TSPAN18: variants seen among roughly 807,000 people sequenced by gnomAD.
TSPAN18 encodes the protein tetraspanin 18.
Under a neutral mutation model 27.3 loss-of-function variants are expected in TSPAN18, and 14 were observed. That is an observed-to-expected ratio of 0.51 (90% CI 0.34 to 0.80). The LOEUF is 0.80. Ranked by LOEUF, TSPAN18 falls within the 30% of genes least tolerant of loss-of-function variation. The pLI, the probability that TSPAN18 is intolerant of heterozygous loss-of-function variation, is 0.01. For missense variants in TSPAN18, 268 were observed against 323.9 expected (o/e 0.83, Z 1.32); for synonymous variants, 143 against 136.5 (o/e 1.05, Z -0.33).
chr11:44,807,227 A>AAAAAAG (rs1856615193), intron 2 of TSPAN18, among the ~76,000 whole-genome samples: 1 of 26,266 alleles, frequency 3.8e-5, no homozygotes, highest in African/African-American at 6.6e-5. Flanking sequence ...AAAAAAAAAA[A>AAAAAAG]AAAAAAAAAG....
intron 8 of TSPAN18, 76 bp downstream of exon 8, chr11:44,920,075 T>C: frequency 2.8e-6 from 4 of 1,429,488 alleles, no homozygotes; most frequent in Non-Finnish European, 3.8e-6. Flanking sequence ...GGAGGCGCTA[T>C]CACCCCAGAG....
chr11:44,868,716 C>T (rs1249306661), intron 3 of TSPAN18, among the ~76,000 whole-genome samples: 1 of 152,190 alleles, frequency 6.6e-6, no homozygotes, highest in Non-Finnish European at 1.5e-5. Flanking sequence ...TTGCAAACCA[C>T]AACCAGGGTC....
intron 2 of TSPAN18, among the ~76,000 whole-genome samples, chr11:44,783,534 G>T (rs1333953151): frequency 6.6e-6 from 1 of 151,918 alleles, no homozygotes. Context: ...GAGTAGCTGG[G>T]ACTATAGACA....
At chr11:44,806,526 G>A (rs919424284) in intron 2 of TSPAN18, among the ~76,000 whole-genome samples, 2 of 152,164 alleles carry the variant, frequency 1.3e-5, no homozygotes, top group Admixed American at 1.3e-4. Flanking sequence ...TAGAATGGGT[G>A]GGGTGGGTCC....
intron 8 of TSPAN18, among the ~76,000 whole-genome samples, chr11:44,924,989 C>T (rs1860296715): frequency 1.3e-5 from 2 of 152,212 alleles, no homozygotes; most frequent in Admixed American, 6.5e-5. Flanking sequence ...GGAGGGCCAG[C>T]CCTGAACGGA....
rs1262646595 is a variant in TSPAN18, at chr11:44,929,442, G to A, written c.*264G>A. 1.9e-6 allele frequency: 1 copy of A among 519,524 alleles called. No individual in the cohort carries two copies. The highest frequency in any genetic ancestry group is 3.4e-6 in the Non-Finnish European group (1 of 292,638). 32.2% of individuals were successfully genotyped at this position (519,524 alleles called of 1,614,324 possible). On this transcript the variant is annotated 3_prime_UTR_variant, in exon 10 of 10. Coordinates refer to ENST00000520358, the MANE Select transcript of TSPAN18 (RefSeq NM_130783.5). The stretch of plus-strand genomic sequence containing the variant: ...ACCCCAGCAACTGGCCCAGGATGCA[G>A]GCTGCTCTAGAGACCAAAGGAACAC...
At chr11:44,921,400 C>G (rs552319752) in intron 8 of TSPAN18, among the ~76,000 whole-genome samples, 5 of 152,288 alleles carry the variant, frequency 3.3e-5, no homozygotes, top group African/African-American at 9.6e-5. Flanking sequence ...CACCCCTACT[C>G]TCTTGGGAAG....
At chr11:44,797,931 C>A (rs1461536786) in intron 2 of TSPAN18, among the ~76,000 whole-genome samples, 1 of 152,156 alleles carries the variant, frequency 6.6e-6, no homozygotes, top group Non-Finnish European at 1.5e-5. Flanking sequence ...TCTAGAGAGT[C>A]AAGACGCTTG....
chr11:44,802,139 GTC>G (rs928227317), intron 2 of TSPAN18, among the ~76,000 whole-genome samples: 2 of 152,084 alleles, frequency 1.3e-5, no homozygotes, highest in African/African-American at 4.8e-5. Flanking sequence ...GACCTGGAGA[GTC>G]TCTCCTCAAG....
intron 1 of TSPAN18, among the ~76,000 whole-genome samples, chr11:44,749,820 TAG>T (rs1040989195): frequency 6.6e-6 from 1 of 152,214 alleles, no homozygotes; most frequent in African/African-American, 2.4e-5. Context: ...GTATTTTTAG[TAG>T]AGACGGGGTT....
chr11:44,928,181 C>A (rs1004102877), intron 9 of TSPAN18, among the ~76,000 whole-genome samples: 1 of 152,172 alleles, frequency 6.6e-6, no homozygotes, highest in Non-Finnish European at 1.5e-5. Context: ...GGTCTCCCTG[C>A]CCCACCACCC....
Position 44,727,062 on chromosome 11 carries a change from C to T in TSPAN18, c.-465C>T, listed in dbSNP as rs1384351894. 2.2e-5 allele frequency: 3 copies of T among 136,360 alleles called. No homozygotes were observed. Among genetic ancestry groups the T allele is most frequent in the African/African-American group, 7.9e-5 (3 of 37,784 alleles). The allele number at this position is 136,360 out of a possible 1,614,324, so 8.4% of individuals were successfully genotyped here. On this transcript the variant is annotated 5_prime_UTR_variant, in exon 1 of 10. Transcript: ENST00000520358. ...AGGCCGCCCGAGCCCCAGCCCCGGCCCCGGCCCCAGCCCCGGCCCCGGCCC... is the reference window on the plus strand; with the variant it reads ...AGGCCGCCCGAGCCCCAGCCCCGGCTCCGGCCCCAGCCCCGGCCCCGGCCC...
In TSPAN18 at chr11:44,807,805, C is replaced by A. The variant is rs890515504; in HGVS notation, c.-153+43293C>A. ...CAGTTTCCTCATCTGTAAAGAAAAC[C>A]TCTGTGGCCCAGCTGAACATCCCTG... On this transcript the variant is annotated intron_variant, in intron 2 of 9. Coordinates refer to ENST00000520358, the MANE Select transcript of TSPAN18 (RefSeq NM_130783.5). Among the ~76,000 whole-genome samples the A allele has an allele frequency of 2.6e-5, 4 of 152,178 alleles. 1 individual carries two copies. Among genetic ancestry groups the A allele is most frequent in the Admixed American group, 2.6e-4 (4 of 15,270 alleles).
intron 1 of TSPAN18, among the ~76,000 whole-genome samples, chr11:44,731,633 T>TGTGTGAGAGAGAGAGAGA (rs139154582): frequency 9.3e-6 from 1 of 107,384 alleles, no homozygotes; most frequent in African/African-American, 3.5e-5. Flanking sequence ...TGTGTGTGTG[T>TGTGTGAGAGAGAGAGAGA]GAGAGAGAGA....
At chr11:44,788,927 C>T (rs922010880) in intron 2 of TSPAN18, among the ~76,000 whole-genome samples, 6 of 152,222 alleles carry the variant, frequency 3.9e-5, no homozygotes, top group African/African-American at 7.2e-5. Flanking sequence ...GAAGAATCCA[C>T]GCATGCAGCT....
At chr11:44,877,881 T>C (rs537177960) in intron 3 of TSPAN18, among the ~76,000 whole-genome samples, 1 of 151,686 alleles carries the variant, frequency 6.6e-6, no homozygotes, top group Non-Finnish European at 1.5e-5. Context: ...AGAGCTTGGC[T>C]CTCTTCTCTC....
chr11:44,811,540 A>G (rs1236059637), intron 2 of TSPAN18, among the ~76,000 whole-genome samples: 3 of 151,916 alleles, frequency 2.0e-5, no homozygotes, highest in Non-Finnish European at 4.4e-5. Context: ...GCTCACTGCA[A>G]ACTCCACTTC....
At chr11:44,744,407 C>T (rs942374787) in intron 1 of TSPAN18, among the ~76,000 whole-genome samples, 4 of 152,176 alleles carry the variant, frequency 2.6e-5, no homozygotes, top group African/African-American at 9.7e-5. Flanking sequence ...AATGAGGTTA[C>T]CGTCATGTTT....
Position 44,914,525 on chromosome 11 carries a change from G to A in TSPAN18, c.259-3447G>A, listed in dbSNP as rs191320520. ...TAAGCACTCTATAAATGGGAAACTA[G>A]AAGAATTGGTGCTGAGCCTCAGGAG... is the stretch of plus-strand genomic sequence containing the variant. On this transcript the variant is annotated intron_variant, in intron 5 of 9. Coordinates refer to ENST00000520358, the MANE Select transcript of TSPAN18 (RefSeq NM_130783.5). Among the ~76,000 whole-genome samples, 506 of 152,330 alleles carry A rather than the reference G, an allele frequency of 3.3e-3. 4 individuals carry two copies. The highest frequency in any genetic ancestry group is 0.011 in the African/African-American group (467 of 41,564).
Sources: allele counts gnomAD v4.1 joint callset (sites outside exome capture counted in the v4.1 genomes callset), GRCh38; gene constraint gnomAD v4.1.1; transcripts MANE v1.5; gene names NCBI Gene and HGNC (gene_info 2026-07-23, HGNC 2026-07-21).